Variants in SLC7A13 observed in about 807,000 individuals in gnomAD.
SLC7A13 encodes X-amino acid transporter 2.
SLC7A13 carries 31 observed loss-of-function variants against 32.0 expected under a neutral mutation model. That is an observed-to-expected ratio of 0.97 (90% CI 0.73 to 1.31). SLC7A13 has a LOEUF of 1.31. SLC7A13 is among the 50% of genes most tolerant of loss of function. The probability of loss-of-function intolerance (pLI) is 0.00; values close to 1 mark genes in which losing one functional copy is unlikely to be tolerated. For synonymous variants in SLC7A13, 232 were observed against 206.9 expected (o/e 1.12, Z -1.04); for missense variants, 633 against 546.9 (o/e 1.16, Z -1.57).
At position 86,217,585 on chromosome 8, in the gene SLC7A13, CTTG is replaced by C. The variant is rs1445394927; in HGVS notation, c.1061_1063del (p.Thr354del). 12 of 1,613,024 alleles carry C rather than the reference CTTG, an allele frequency of 7.4e-6. No homozygotes were observed. In the East Asian group the frequency reaches 2.5e-4, roughly 33 times the overall value. ...AATATAGTTTATCAAATCAATTAGA[CTTG>C]TTAAGATAATTGCAAGGGATCCCAA... On this transcript the variant is annotated inframe_deletion, in exon 3 of 4. Transcript: ENST00000297524.
rs570550409 is a variant in SLC7A13, at chr8:86,223,424, C to A, written c.686-321G>T. The stretch of plus-strand genomic sequence containing the variant: ...TTATGAGTGAGAAGGTATAATATTT[C>A]TTTCTATTTTTGAGTTATTTCACTT... On this transcript the variant is annotated intron_variant, in intron 1 of 3. Coordinates refer to ENST00000297524, the MANE Select transcript of SLC7A13 (RefSeq NM_138817.3). Among the ~76,000 whole-genome samples the A allele has an allele frequency of 7.2e-5, 11 of 152,088 alleles. No homozygotes were observed. In the South Asian group the frequency reaches 2.1e-3, roughly 29 times the overall value.
intron 1 of SLC7A13, among the ~76,000 whole-genome samples, chr8:86,225,552 G>A (rs1820376063): frequency 6.6e-6 from 1 of 152,156 alleles, no homozygotes; most frequent in Non-Finnish European, 1.5e-5. Flanking sequence ...AGGAGATGGA[G>A]ATTACAATTT....
chr8:86,217,893 C>G (rs1252895439), intron 2 of SLC7A13, 62 bp from the exon 3 acceptor site: 1 of 1,432,714 alleles, frequency 7.0e-7, no homozygotes, highest in Admixed American at 2.6e-5. Context: ...AATGATAAAC[C>G]TTTTAATATT....
chr8:86,223,269 C>A lies in SLC7A13; in HGVS notation c.686-166G>T, dbSNP rs190478742. On this transcript the variant is annotated intron_variant, in intron 1 of 3. Coordinates refer to ENST00000297524, the MANE Select transcript of SLC7A13 (RefSeq NM_138817.3). ...CAAATCAGAGTTTTAGTGTATCCAT[C>A]ACCTGAATAACATACATTGTACCTA... 7.9e-5 allele frequency among the ~76,000 whole-genome samples: 12 copies of A among 152,196 alleles called. No individual in the cohort carries two copies. In the East Asian group the frequency reaches 1.9e-3, roughly 24 times the overall value.
Position 86,217,554 on chromosome 8 carries a change from G to GA in SLC7A13, c.1094dup (p.Thr366HisfsTer28), listed in dbSNP as rs747557046. 2.1e-5 allele frequency: 34 copies of GA among 1,612,166 alleles called. No homozygotes were observed. Among genetic ancestry groups the GA allele is most frequent in the African/African-American group, 1.5e-4 (11 of 74,746 alleles). On this transcript the variant is annotated frameshift_variant, in exon 3 of 4. Transcript: ENST00000297524. LOFTEE classifies it high-confidence loss of function. ...ATAATATAGACCATAATGAACCCGT[G>GA]AAAAAAATATAGTTTATCAAATCAA...
chr8:86,214,403 C>T lies in SLC7A13; in HGVS notation c.*10G>A. 2.0e-6 allele frequency: 3 copies of T among 1,500,582 alleles called. No individual in the cohort carries two copies. The highest frequency in any genetic ancestry group is 2.7e-6 in the Non-Finnish European group (3 of 1,113,972). The allele number at this position is 1,500,582 out of a possible 1,614,324, so 93.0% of individuals were successfully genotyped here. On this transcript the variant is annotated 3_prime_UTR_variant, in exon 4 of 4. Coordinates refer to ENST00000297524, the MANE Select transcript of SLC7A13 (RefSeq NM_138817.3). ...AAGGCCAATTTTTTAAGAGTTTGCA[C>T]TTCCGACATCTATTCCTCAGACACA...
In SLC7A13 at chr8:86,214,629, T is replaced by C. The variant is rs769821279; in HGVS notation, c.1197A>G (p.Pro399=). 3 of 1,605,820 alleles carry C rather than the reference T, an allele frequency of 1.9e-6. No homozygotes were observed. The South Asian group carries it at 3.3e-5, about 18-fold the overall frequency. The change falls in exon 4 of 4, where the codon CCA becomes CCG. Residue 399 remains proline (P), a synonymous_variant. Transcript: ENST00000297524. The part of the protein sequence containing the change: ...SIPYKVFLSF[P]LATIVIDVGL... ...CCACGTCGATGACTATTGTTGCTAA[T>C]GGAAATGACAAAAACACCTGAAAAG...
rs112542503 is a variant in SLC7A13, at chr8:86,220,694, G to T, written c.817+2278C>A. Among the ~76,000 whole-genome samples the T allele has an allele frequency of 3.3e-5, 5 of 151,884 alleles. No individual in the cohort carries two copies. The South Asian group carries it at 1.0e-3, about 32-fold the overall frequency. On this transcript the variant is annotated intron_variant, in intron 2 of 3. Transcript: ENST00000297524. ...ATTGAAAAAAATGCATCCCTTAATCGTTAAAATTTCTTAATTTAAGAAACT... is the reference window on the plus strand; with the variant it reads ...ATTGAAAAAAATGCATCCCTTAATCTTTAAAATTTCTTAATTTAAGAAACT...
chr8:86,220,282 A>G (rs6470858), intron 2 of SLC7A13, among the ~76,000 whole-genome samples: 85,532 of 151,970 alleles, frequency 0.56, 27,640 homozygotes, highest in African/African-American at 0.89. Flanking sequence ...TGTGTGGCAG[A>G]CCTTTAGGAA....
At chr8:86,216,557 G>A (rs1820185186) in intron 3 of SLC7A13, among the ~76,000 whole-genome samples, 1 of 152,118 alleles carries the variant, frequency 6.6e-6, no homozygotes. Context: ...GGAAGAAGTT[G>A]GAAAGAAGAC....
chr8:86,225,814 G>A (rs563210874), intron 1 of SLC7A13, among the ~76,000 whole-genome samples: 56 of 152,128 alleles, frequency 3.7e-4, no homozygotes, highest in African/African-American at 1.2e-3. Context: ...GCCTGTAGTC[G>A]CAGCTACTCA....
Position 86,230,075 on chromosome 8 carries a change from G to T in SLC7A13, c.203C>A (p.Ala68Glu), listed in dbSNP as rs1820458512. ...ILAMTSTLCS[A>E]EISISFPCSG... ...GCATGGGAAGCTTATACTTATCTCT[G>T]CAGAGCAAAGAGTTGATGTCATGGC... Residue 68 changes from alanine to glutamate, a missense_variant, in exon 1 of 4, where the codon GCA (alanine) becomes GAA (glutamate). By Grantham distance (107) the Ala-to-Glu change is moderately radical. Transcript: ENST00000297524. 1 of 1,614,056 alleles carries T rather than the reference G, an allele frequency of 6.2e-7. No homozygotes were observed. The highest frequency in any genetic ancestry group is 1.7e-5 in the Admixed American group (1 of 59,984).
Position 86,229,800 on chromosome 8 carries a change from G to A in SLC7A13, c.478C>T (p.Gln160Ter), listed in dbSNP as rs765911104. Residue 160 changes from glutamine to a stop codon, truncating the protein, a stop_gained, in exon 1 of 4, where the codon CAG becomes TAG. Coordinates refer to ENST00000297524, the MANE Select transcript of SLC7A13 (RefSeq NM_138817.3). LOFTEE classifies it high-confidence loss of function. ...ACTTTCAGCACTGAGCTAGCTATCT[G>A]AAGCCAAGTCACTTCTTTCACACCA... ...SRGVKEVTWL[Q>*]IASSVLKVSI... 3 of 1,614,062 alleles carry A rather than the reference G, an allele frequency of 1.9e-6. No individual in the cohort carries two copies. In the African/African-American group the frequency reaches 4.0e-5, roughly 22 times the overall value.
At chr8:86,221,324 G>T (rs1029948330) in intron 2 of SLC7A13, among the ~76,000 whole-genome samples, 6 of 151,896 alleles carry the variant, frequency 4.0e-5, no homozygotes, top group Non-Finnish European at 7.4e-5. Context: ...TATTTTTATG[G>T]TTTTTAATTT....
chr8:86,216,712 T>G (rs112779249), intron 3 of SLC7A13, among the ~76,000 whole-genome samples: 4 of 152,200 alleles, frequency 2.6e-5, no homozygotes, highest in Non-Finnish European at 1.5e-5. Context: ...CTCTAATCCA[T>G]GCTGTGTGAG....
At chr8:86,218,453 G>A (rs1820232008) in intron 2 of SLC7A13, among the ~76,000 whole-genome samples, 1 of 152,114 alleles carries the variant, frequency 6.6e-6, no homozygotes, top group Admixed American at 6.6e-5. Flanking sequence ...ACTCCTCAGG[G>A]TCACTTGGCA....
At chr8:86,215,086 A>T in intron 3 of SLC7A13, among the ~76,000 whole-genome samples, 1 of 152,128 alleles carries the variant, frequency 6.6e-6, no homozygotes, top group Non-Finnish European at 1.5e-5. Flanking sequence ...TGACAGGTAA[A>T]TGTTGTAACT....
In SLC7A13 at chr8:86,217,574, A is replaced by T; in HGVS notation, c.1075T>A (p.Leu359Met). ...LAIILTSLID[L>M]INYIFFTGSL... Reference sequence around the variant, plus strand: ...CCCGTGAAAAAAATATAGTTTATCAAATCAATTAGACTTGTTAAGATAATT... The same window carrying T: ...CCCGTGAAAAAAATATAGTTTATCATATCAATTAGACTTGTTAAGATAATT... Residue 359 changes from leucine to methionine, a missense_variant, in exon 3 of 4, where the codon TTG (leucine) becomes ATG (methionine). By Grantham distance (15) the Leu-to-Met change is conservative. Coordinates refer to ENST00000297524, the MANE Select transcript of SLC7A13 (RefSeq NM_138817.3). The T allele has an allele frequency of 1.9e-6, 3 of 1,613,218 alleles. No individual in the cohort carries two copies. Among genetic ancestry groups the T allele is most frequent in the Non-Finnish European group, 2.5e-6 (3 of 1,179,546 alleles).
At chr8:86,228,332 T>A (rs1173596374) in intron 1 of SLC7A13, among the ~76,000 whole-genome samples, 1 of 152,054 alleles carries the variant, frequency 6.6e-6, no homozygotes, top group Non-Finnish European at 1.5e-5. Flanking sequence ...GCTCCTATAA[T>A]CCTGGTTACA....
Sources: gnomAD v4.1 joint callset for allele counts (sites outside exome capture counted in the v4.1 genomes callset) on GRCh38, gnomAD v4.1.1 for gene constraint, MANE v1.5 for transcripts, NCBI Gene and HGNC (gene_info 2026-07-23, HGNC 2026-07-21) for gene names.